KSR2: variants seen among roughly 807,000 people sequenced by gnomAD.
KSR2 encodes the protein kinase suppressor of ras 2.
Under a neutral mutation model 107.8 loss-of-function variants are expected in KSR2, and 25 were observed. The observed-to-expected ratio is 0.23, with a 90% CI of 0.17 to 0.32. KSR2 has a LOEUF of 0.32. KSR2 is among the 10% of genes least tolerant of loss of function. KSR2 has a pLI of 1.00. For synonymous variants in KSR2, 480 were observed against 507.0 expected (o/e 0.95, Z 0.71); for missense variants, 887 against 1,268.9 (o/e 0.70, Z 4.57).
rs776342255 is a variant in KSR2, at chr12:117,527,052, A to C, written c.1851+19T>G. The C allele has an allele frequency of 2.5e-6, 4 of 1,611,772 alleles. No individual in the cohort carries two copies. In the African/African-American group the frequency reaches 5.3e-5, roughly 22 times the overall value. On this transcript the variant is annotated intron_variant, in intron 13 of 19. Coordinates refer to ENST00000339824, the MANE Select transcript of KSR2 (RefSeq NM_173598.6). ...GGCAGTCCCTGGAAAATGTCGCTTC[A>C]CTGCTCTCTGATTCTCACCTCCGAC...
At chr12:117,756,884 A>G (rs536333031) in intron 4 of KSR2, among the ~76,000 whole-genome samples, 1 of 152,182 alleles carries the variant, frequency 6.6e-6, no homozygotes, top group South Asian at 2.1e-4. Flanking sequence ...ATGAAACTCC[A>G]TCTCTCCTAA....
Position 117,734,745 on chromosome 12 carries a change from C to CATGGATGGATGGATGGATGGATGG in KSR2, c.986+26265_986+26266insCCATCCATCCATCCATCCATCCAT, listed in dbSNP as rs1322322640. ...TGATGGATGGACGCATGCATGCATG[C>CATGGATGGATGGATGGATGGATGG]ATGCATGCATGGATGGATGGATGGA... On this transcript the variant is annotated intron_variant, in intron 4 of 19. Transcript: ENST00000339824. Among the ~76,000 whole-genome samples, 388 of 146,488 alleles carry CATGGATGGATGGATGGATGGATGG rather than the reference C, an allele frequency of 2.6e-3. 4 individuals carry two copies. Among genetic ancestry groups the CATGGATGGATGGATGGATGGATGG allele is most frequent in the East Asian group, 0.021 (103 of 4,854 alleles).
At chr12:117,803,232 G>C (rs910577286) in intron 3 of KSR2, among the ~76,000 whole-genome samples, 2 of 152,262 alleles carry the variant, frequency 1.3e-5, no homozygotes. Context: ...AGCAACACCT[G>C]GGGGAAGGAA....
intron 1 of KSR2, among the ~76,000 whole-genome samples, chr12:117,863,793 C>T (rs144648510): frequency 0.012 from 1,827 of 152,214 alleles, 40 homozygotes; most frequent in African/African-American, 0.042. Context: ...CAGTTTCCTT[C>T]CCTTTTCGGT....
chr12:117,585,795 A>G (rs1173866771), intron 5 of KSR2, among the ~76,000 whole-genome samples: 1 of 152,198 alleles, frequency 6.6e-6, no homozygotes, highest in African/African-American at 2.4e-5. Flanking sequence ...TTCTACTCTA[A>G]TTTTCTGATA....
chr12:117,514,044 C>A (rs191447574), intron 14 of KSR2, among the ~76,000 whole-genome samples: 25 of 152,348 alleles, frequency 1.6e-4, no homozygotes, highest in African/African-American at 5.8e-4. Context: ...CACTGCCTGC[C>A]GGCAATACTG....
chr12:117,547,877 A>G (rs1876992101), intron 9 of KSR2, among the ~76,000 whole-genome samples: 1 of 152,024 alleles, frequency 6.6e-6, no homozygotes, highest in African/African-American at 2.4e-5. Flanking sequence ...CAGGTGGATC[A>G]CAAGGTCAGG....
At chr12:117,910,802 C>T (rs562049451) in intron 1 of KSR2, among the ~76,000 whole-genome samples, 3 of 152,230 alleles carry the variant, frequency 2.0e-5, no homozygotes, top group African/African-American at 7.2e-5. Context: ...GCATGTGGCA[C>T]ACTATAGCGC....
chr12:117,681,135 T>C (rs1189686724), intron 4 of KSR2, among the ~76,000 whole-genome samples: 5 of 152,018 alleles, frequency 3.3e-5, no homozygotes, highest in African/African-American at 1.2e-4. Flanking sequence ...CCAGGCATGG[T>C]AGTGCGCACC....
intron 16 of KSR2, among the ~76,000 whole-genome samples, chr12:117,478,385 GA>G (rs924049658): frequency 5.9e-5 from 9 of 151,964 alleles, no homozygotes; most frequent in Non-Finnish European, 1.2e-4. Context: ...TTGAGCACTT[GA>G]AATGTGGCTT....
chr12:117,559,357 C>T (rs1877948975), intron 7 of KSR2, among the ~76,000 whole-genome samples: 1 of 152,192 alleles, frequency 6.6e-6, no homozygotes, highest in South Asian at 2.1e-4. Flanking sequence ...TCATGCTTTT[C>T]CCATCAGCCT....
chr12:117,533,811 C>G (rs1875832898), intron 10 of KSR2, among the ~76,000 whole-genome samples: 1 of 152,152 alleles, frequency 6.6e-6, no homozygotes, highest in Admixed American at 6.5e-5. Flanking sequence ...CGAGAAGGGA[C>G]AGGTGTCAGG....
At position 117,839,362 on chromosome 12, in the gene KSR2, G is replaced by A. The variant is rs368128620; in HGVS notation, c.472+16066C>T. On this transcript the variant is annotated intron_variant, in intron 3 of 19. Coordinates refer to ENST00000339824, the MANE Select transcript of KSR2 (RefSeq NM_173598.6). ...GCCCGAGCTCAAGTGCTGGTACCCC[G>A]CAATTTACTGGCCATGTGACCTTGG... 2.8e-4 allele frequency among the ~76,000 whole-genome samples: 43 copies of A among 152,248 alleles called. No homozygotes were observed. The South Asian group carries it at 8.5e-3, about 30-fold the overall frequency.
intron 1 of KSR2, among the ~76,000 whole-genome samples, chr12:117,903,079 A>G (rs897665751): frequency 3.9e-5 from 6 of 152,282 alleles, no homozygotes; most frequent in African/African-American, 1.2e-4. Context: ...GCGTTAATGT[A>G]GGCGAGAGTT....
intron 1 of KSR2, among the ~76,000 whole-genome samples, chr12:117,941,792 A>ATTTTTTTTTTTTT: frequency 1.0e-5 from 1 of 97,800 alleles, no homozygotes; most frequent in Non-Finnish European, 1.9e-5. Flanking sequence ...GGCCTGGCTA[A>ATTTTTTTTTTTTT]TTTTTTTTTT....
intron 3 of KSR2, among the ~76,000 whole-genome samples, chr12:117,837,756 C>T (rs771936268): frequency 6.6e-6 from 1 of 152,146 alleles, no homozygotes; most frequent in African/African-American, 2.4e-5. Flanking sequence ...GAAACAAAGG[C>T]GCTAAAGAAA....
intron 14 of KSR2, among the ~76,000 whole-genome samples, chr12:117,517,172 T>C (rs1335115019): frequency 1.3e-5 from 2 of 152,224 alleles, no homozygotes; most frequent in Non-Finnish European, 2.9e-5. Context: ...AAAACTTGCA[T>C]CTTGGACTAT....
chr12:117,934,942 C>T (rs1895795606), intron 1 of KSR2, among the ~76,000 whole-genome samples: 1 of 151,658 alleles, frequency 6.6e-6, no homozygotes, highest in African/African-American at 2.4e-5. Context: ...CCTCCCACCT[C>T]AGCCTCCTGA....
chr12:117,887,808 TA>T (rs893836272), intron 1 of KSR2, among the ~76,000 whole-genome samples: 10 of 151,542 alleles, frequency 6.6e-5, no homozygotes, highest in East Asian at 1.9e-4. Flanking sequence ...AAAATAAAAA[TA>T]AAAAAAAATT....
Sources: gnomAD v4.1 joint callset for allele counts (sites outside exome capture counted in the v4.1 genomes callset) on GRCh38, gnomAD v4.1.1 for gene constraint, MANE v1.5 for transcripts, NCBI Gene and HGNC (gene_info 2026-07-23, HGNC 2026-07-21) for gene names.